CNBD1: variants seen among roughly 807,000 people sequenced by gnomAD.
CNBD1 encodes the protein cyclic nucleotide binding domain containing 1.
CNBD1 carries 71 observed loss-of-function variants against 54.4 expected under a neutral mutation model. The observed-to-expected ratio is 1.30, with a 90% CI of 1.08 to 1.59. The LOEUF (loss-of-function observed/expected upper bound fraction) is 1.59, where lower values mean the gene tolerates loss of function less well. Ranked by LOEUF, CNBD1 falls within the 40% of genes most tolerant of loss-of-function variation. The probability of loss-of-function intolerance (pLI) is 0.00; values close to 1 mark genes in which losing one functional copy is unlikely to be tolerated. For synonymous variants in CNBD1, 182 were observed against 170.7 expected, an observed-to-expected ratio of 1.07 and a Z score of -0.51; for missense variants, 659 against 518.0, an observed-to-expected ratio of 1.27 and a Z score of -2.64.
At chr8:87,366,431 A>T (rs1810643515) in intron 10 of CNBD1, among the ~76,000 whole-genome samples, 1 of 152,070 alleles carries the variant, frequency 6.6e-6, no homozygotes, top group Non-Finnish European at 1.5e-5. Flanking sequence ...CTCAGCAATG[A>T]AGAATTCCTT....
At chr8:86,970,088 A>G (rs1289656014) in intron 4 of CNBD1, among the ~76,000 whole-genome samples, 1 of 152,004 alleles carries the variant, frequency 6.6e-6, no homozygotes, top group Non-Finnish European at 1.5e-5. Context: ...TTTGGCAGTC[A>G]TTTTTATTTA....
chr8:87,099,959 G>A (rs1013258973), intron 4 of CNBD1, among the ~76,000 whole-genome samples: 1 of 152,166 alleles, frequency 6.6e-6, no homozygotes, highest in African/African-American at 2.4e-5. Context: ...CCTATTTGTG[G>A]CAAACTCTTA....
chr8:87,324,977 C>A (rs376877791), intron 8 of CNBD1, among the ~76,000 whole-genome samples: 3 of 105,994 alleles, frequency 2.8e-5, no homozygotes, highest in African/African-American at 9.4e-5. Flanking sequence ...GCTTTGAATG[C>A]GTCCCAGAGA....
intron 6 of CNBD1, among the ~76,000 whole-genome samples, chr8:87,255,035 A>G (rs984018826): frequency 3.2e-4 from 48 of 152,242 alleles, no homozygotes; most frequent in Admixed American, 2.2e-3. Context: ...AGTATGGCCT[A>G]TGTGCGAAAG....
intron 8 of CNBD1, among the ~76,000 whole-genome samples, chr8:87,313,496 G>A (rs976067395): frequency 1.3e-5 from 2 of 152,004 alleles, no homozygotes; most frequent in Non-Finnish European, 2.9e-5. Context: ...TATAATGTAT[G>A]TAACTTGAAC....
chr8:87,215,550 T>A (rs985260950), intron 5 of CNBD1, among the ~76,000 whole-genome samples: 1 of 146,202 alleles, frequency 6.8e-6, no homozygotes, highest in Non-Finnish European at 1.5e-5. Flanking sequence ...ATGGCGCCAC[T>A]GCACTCCAGC....
At chr8:87,303,334 A>T (rs1040850898) in intron 8 of CNBD1, among the ~76,000 whole-genome samples, 5 of 152,040 alleles carry the variant, frequency 3.3e-5, no homozygotes, top group East Asian at 1.9e-4. Context: ...ATAATGCCGC[A>T]TATCTACAAA....
chr8:87,120,826 A>T (rs1034565416), intron 4 of CNBD1, among the ~76,000 whole-genome samples: 5 of 151,870 alleles, frequency 3.3e-5, no homozygotes, highest in Non-Finnish European at 5.9e-5. Context: ...TTAGGAATTT[A>T]TCTGTCTATG....
chr8:87,181,829 A>G (rs1813354286), intron 4 of CNBD1, among the ~76,000 whole-genome samples: 1 of 152,062 alleles, frequency 6.6e-6, no homozygotes, highest in Admixed American at 6.6e-5. Flanking sequence ...CTTCTTTCTA[A>G]TATAGGCATT....
At chr8:87,087,446 C>T (rs146859020) in intron 4 of CNBD1, among the ~76,000 whole-genome samples, 1 of 149,934 alleles carries the variant, frequency 6.7e-6, no homozygotes, top group African/African-American at 2.4e-5. Flanking sequence ...TCAGAGATTC[C>T]TCTATTGAAG....
chr8:86,982,814 T>C (rs2130511764), intron 4 of CNBD1, among the ~76,000 whole-genome samples: 1 of 152,282 alleles, frequency 6.6e-6, no homozygotes, highest in Middle Eastern at 3.4e-3. Flanking sequence ...TGATGATTAG[T>C]ACACAACAAG....
intron 4 of CNBD1, among the ~76,000 whole-genome samples, chr8:86,957,518 G>A (rs540610043): frequency 1.1e-4 from 16 of 152,248 alleles, no homozygotes; most frequent in Middle Eastern, 6.8e-3. Flanking sequence ...CCTGTTATTG[G>A]TCTATTCAGG....
At chr8:87,100,996 C>T (rs890338865) in intron 4 of CNBD1, among the ~76,000 whole-genome samples, 10 of 152,208 alleles carry the variant, frequency 6.6e-5, no homozygotes, top group South Asian at 2.1e-4. Flanking sequence ...CAAAACAAAA[C>T]GAAAAACTTC....
chr8:87,305,894 G>C (rs1476774828), intron 8 of CNBD1, among the ~76,000 whole-genome samples: 1 of 152,094 alleles, frequency 6.6e-6, no homozygotes, highest in Non-Finnish European at 1.5e-5. Flanking sequence ...TAAAAACAAA[G>C]ATAAATAGCT....
chr8:87,065,413 T>C (rs1463764668), intron 4 of CNBD1, among the ~76,000 whole-genome samples: 1 of 152,018 alleles, frequency 6.6e-6, no homozygotes, highest in Non-Finnish European at 1.5e-5. Context: ...TTGCTTCTGA[T>C]GGACTTCAAA....
At chr8:87,370,228 T>C (rs1460830277) in intron 10 of CNBD1, among the ~76,000 whole-genome samples, 1 of 152,084 alleles carries the variant, frequency 6.6e-6, no homozygotes, top group East Asian at 1.9e-4. Flanking sequence ...TTTGTAGTCC[T>C]TTGGGTATAT....
intron 4 of CNBD1, among the ~76,000 whole-genome samples, chr8:87,067,252 A>G (rs1448875771): frequency 1.3e-5 from 2 of 151,960 alleles, no homozygotes; most frequent in African/African-American, 4.8e-5. Flanking sequence ...TTTTCCAGCA[A>G]ATAAACTTGG....
intron 5 of CNBD1, among the ~76,000 whole-genome samples, chr8:87,219,029 A>G (rs915049008): frequency 6.6e-6 from 1 of 151,976 alleles, no homozygotes; most frequent in Non-Finnish European, 1.5e-5. Flanking sequence ...CATAATAAGA[A>G]ACTGTTTTCC....
At chr8:87,412,117 C>A (rs530369794) in intron 2 of CNBD1, among the ~76,000 whole-genome samples, 5 of 151,856 alleles carry the variant, frequency 3.3e-5, no homozygotes, top group Non-Finnish European at 7.4e-5. Context: ...AATTAAGGAA[C>A]CTGAGTTTTT....
Sources: allele counts gnomAD v4.1 joint callset (sites outside exome capture counted in the v4.1 genomes callset), GRCh38; gene constraint gnomAD v4.1.1; transcripts MANE v1.5; gene names NCBI Gene and HGNC (gene_info 2026-07-23, HGNC 2026-07-21).